The following NTM variants were observed in gnomAD, a reference collection of about 807,000 sequenced individuals.
The protein encoded by NTM is neurotrimin.
A neutral mutation model predicts 42.1 loss-of-function variants in NTM; 13 were observed. The observed-to-expected ratio is 0.31, with a 90% confidence interval of 0.20 to 0.49. NTM has a LOEUF of 0.49. NTM is among the 20% of genes least tolerant of loss of function. The pLI is 0.99. For synonymous variants in NTM, 187 were observed against 179.2 expected (o/e 1.04, Z -0.35); for missense variants, 373 against 452.8 (o/e 0.82, Z 1.60).
chr11:131,948,187 C>A (rs911278066), intron 2 of NTM, among the ~76,000 whole-genome samples: 2 of 151,764 alleles, frequency 1.3e-5, no homozygotes, highest in African/African-American at 4.8e-5. Flanking sequence ...CAGTGAAACC[C>A]CGTCTCTACT....
intron 1 of NTM, among the ~76,000 whole-genome samples, chr11:131,824,819 A>G (rs2041935315): frequency 6.6e-6 from 1 of 152,074 alleles, no homozygotes; most frequent in African/African-American, 2.4e-5. Flanking sequence ...AGAGAGGGAA[A>G]ATATTCTGGA....
chr11:132,284,619 G>A, intron 4 of NTM: 1 of 153,176 alleles, frequency 6.5e-6, no homozygotes, highest in Non-Finnish European at 1.5e-5. Flanking sequence ...GCTTCCAAAT[G>A]CCCTCACACT....
chr11:131,514,591 A>T (rs988650855), intron 1 of NTM, among the ~76,000 whole-genome samples: 3 of 151,894 alleles, frequency 2.0e-5, no homozygotes, highest in South Asian at 2.1e-4. Context: ...TATTTATTTA[A>T]TTATTTGAGA....
chr11:131,490,915 T>C (rs1421735458), intron 1 of NTM, among the ~76,000 whole-genome samples: 1 of 152,220 alleles, frequency 6.6e-6, no homozygotes, highest in Admixed American at 6.5e-5. Flanking sequence ...CATATTACAT[T>C]CTTGCTAGCT....
chr11:131,881,347 G>C (rs1258443491), intron 1 of NTM, among the ~76,000 whole-genome samples: 1 of 152,146 alleles, frequency 6.6e-6, no homozygotes, highest in Non-Finnish European at 1.5e-5. Flanking sequence ...ACATGGATTT[G>C]AAATCAGAAA....
At position 131,530,330 on chromosome 11, in the gene NTM, C is replaced by T. The variant is rs564102035; in HGVS notation, c.82+159442C>T. On this transcript the variant is annotated intron_variant, in intron 1 of 8. Coordinates refer to ENST00000683400, the MANE Select transcript of NTM (RefSeq NM_001352005.2). ...TATCCTTTTTAAATCTACTTTCTAC[C>T]CTATGAGAATGTTGAGCATATGAGA... is the stretch of plus-strand genomic sequence containing the variant. Among the ~76,000 whole-genome samples the T allele has an allele frequency of 2.0e-5, 3 of 150,948 alleles. No homozygotes were observed. In the East Asian group the frequency reaches 5.8e-4, roughly 29 times the overall value.
At chr11:131,745,991 C>G (rs56410393) in intron 1 of NTM, among the ~76,000 whole-genome samples, 13,769 of 152,040 alleles carry the variant, frequency 0.091, 721 homozygotes, top group Middle Eastern at 0.15. Flanking sequence ...TTATCACGTG[C>G]GCTGGTGGGA....
chr11:131,872,858 C>A (rs1356588490), intron 1 of NTM, among the ~76,000 whole-genome samples: 1 of 151,986 alleles, frequency 6.6e-6, no homozygotes, highest in Non-Finnish European at 1.5e-5. Flanking sequence ...ATGCATATAC[C>A]CAGTAATGAG....
chr11:131,666,823 C>A (rs1265740990), intron 1 of NTM, among the ~76,000 whole-genome samples: 1 of 152,174 alleles, frequency 6.6e-6, no homozygotes, highest in African/African-American at 2.4e-5. Context: ...GGATGACTTA[C>A]CAGGGAGGGG....
At chr11:132,073,650 ATGG>A in intron 2 of NTM, among the ~76,000 whole-genome samples, 1 of 152,108 alleles carries the variant, frequency 6.6e-6, no homozygotes, top group South Asian at 2.1e-4. Flanking sequence ...ACTAACCATT[ATGG>A]TCAATTTCAT....
At chr11:131,478,323 C>A (rs1243940254) in intron 1 of NTM, among the ~76,000 whole-genome samples, 1 of 152,178 alleles carries the variant, frequency 6.6e-6, no homozygotes, top group East Asian at 1.9e-4. Flanking sequence ...TTGGGAATTA[C>A]CCCCTACAGG....
intron 1 of NTM, among the ~76,000 whole-genome samples, chr11:131,859,310 GA>G (rs2046394902): frequency 6.6e-6 from 1 of 152,184 alleles, no homozygotes; most frequent in Non-Finnish European, 1.5e-5. Context: ...AAGGTTTCAA[GA>G]AAGCTCTTAT....
chr11:131,700,281 C>A (rs962912211), intron 1 of NTM, among the ~76,000 whole-genome samples: 6 of 152,108 alleles, frequency 3.9e-5, no homozygotes, highest in Admixed American at 3.3e-4. Flanking sequence ...ACTTCAGAAA[C>A]TTTCTAATTA....
At chr11:131,763,001 T>G (rs894666822) in intron 1 of NTM, among the ~76,000 whole-genome samples, 2 of 152,186 alleles carry the variant, frequency 1.3e-5, no homozygotes, top group African/African-American at 4.8e-5. Flanking sequence ...TCGGTTCTGC[T>G]GACACCCAGG....
At chr11:132,066,250 C>G (rs192671996) in intron 2 of NTM, among the ~76,000 whole-genome samples, 43 of 152,328 alleles carry the variant, frequency 2.8e-4, no homozygotes, top group South Asian at 1.0e-3. Flanking sequence ...TCCAAATGCT[C>G]TGCTCTCTGT....
chr11:131,827,712 C>G (rs1477963180), intron 1 of NTM, among the ~76,000 whole-genome samples: 1 of 152,188 alleles, frequency 6.6e-6, no homozygotes, highest in Non-Finnish European at 1.5e-5. Context: ...TATTTTCACA[C>G]TGAGTAGTTA....
At chr11:131,479,751 G>A (rs1015986462) in intron 1 of NTM, among the ~76,000 whole-genome samples, 3 of 152,182 alleles carry the variant, frequency 2.0e-5, no homozygotes, top group African/African-American at 7.2e-5. Flanking sequence ...GTGATTCTAA[G>A]GTCATTGGGA....
chr11:131,835,086 C>T (rs1210656256), intron 1 of NTM, among the ~76,000 whole-genome samples: 1 of 152,144 alleles, frequency 6.6e-6, no homozygotes, highest in Non-Finnish European at 1.5e-5. Flanking sequence ...ATGGGGCTTA[C>T]ACTCTGGAGA....
At chr11:132,196,120 A>G (rs1171100094) in intron 3 of NTM, among the ~76,000 whole-genome samples, 1 of 152,210 alleles carries the variant, frequency 6.6e-6, no homozygotes, top group Non-Finnish European at 1.5e-5. Context: ...TAACCCCATT[A>G]AAAAATAGGC....
Sources: allele counts gnomAD v4.1 joint callset (sites outside exome capture counted in the v4.1 genomes callset), GRCh38; gene constraint gnomAD v4.1.1; transcripts MANE v1.5; gene names NCBI Gene and HGNC (gene_info 2026-07-23, HGNC 2026-07-21).